The following PDE7B variants were observed in gnomAD, a reference collection of about 807,000 sequenced individuals.
PDE7B encodes phosphodiesterase 7B, also known as 3',5'-cyclic-AMP phosphodiesterase 7B.
PDE7B carries 29 observed loss-of-function variants against 56.2 expected under a neutral mutation model. That is an observed-to-expected ratio of 0.52 (90% CI 0.38 to 0.70). The LOEUF (loss-of-function observed/expected upper bound fraction) is 0.70. Among genes scored for constraint, PDE7B ranks in the 30% least tolerant of loss-of-function variants. The pLI, the probability that PDE7B is intolerant of heterozygous loss-of-function variation, is 0.00. For synonymous variants in PDE7B, 197 were observed against 196.9 expected, an observed-to-expected ratio of 1.00 and a Z score of 0.00; for missense variants, 490 against 565.0, an observed-to-expected ratio of 0.87 and a Z score of 1.35.
chr6:136,053,543 G>A (rs561506478), intron 2 of PDE7B, among the ~76,000 whole-genome samples: 1 of 152,136 alleles, frequency 6.6e-6, no homozygotes, highest in Non-Finnish European at 1.5e-5. Flanking sequence ...CTTTAGAGCA[G>A]CATGATTTAT....
intron 8 of PDE7B, among the ~76,000 whole-genome samples, chr6:136,165,942 T>C (rs1778785588): frequency 6.6e-6 from 1 of 152,160 alleles, no homozygotes; most frequent in African/African-American, 2.4e-5. Flanking sequence ...AACAGGAGTC[T>C]CTGTCATACG....
intron 1 of PDE7B, among the ~76,000 whole-genome samples, chr6:135,871,646 T>C (rs1424756081): frequency 1.3e-5 from 2 of 152,210 alleles, no homozygotes; most frequent in Non-Finnish European, 2.9e-5. Flanking sequence ...GGAAATCTAC[T>C]CTTAGCTTTG....
intron 2 of PDE7B, among the ~76,000 whole-genome samples, chr6:136,078,325 C>T (rs1275093130): frequency 1.3e-5 from 2 of 152,044 alleles, no homozygotes; most frequent in Non-Finnish European, 2.9e-5. Flanking sequence ...AGTGACTTTC[C>T]AACATTTAAC....
At chr6:136,187,476 T>A (rs1779160492) in intron 12 of PDE7B, among the ~76,000 whole-genome samples, 1 of 152,152 alleles carries the variant, frequency 6.6e-6, no homozygotes, top group South Asian at 2.1e-4. Flanking sequence ...GAATCTGCCT[T>A]TAGGACCCTT....
chr6:135,998,553 G>A (rs913556765), intron 2 of PDE7B, among the ~76,000 whole-genome samples: 12 of 151,808 alleles, frequency 7.9e-5, no homozygotes, highest in Non-Finnish European at 1.5e-4. Flanking sequence ...TCAGGAGATC[G>A]AGACCATCCT....
intron 1 of PDE7B, among the ~76,000 whole-genome samples, chr6:135,935,186 T>TTTTATATATATATATTTATATATATA (rs1404954510): frequency 5.2e-5 from 2 of 38,448 alleles, no homozygotes; most frequent in South Asian, 1.0e-3. Flanking sequence ...ATATATATAT[T>TTTTATATATATATATTTATATATATA]TATTTATATA....
In PDE7B at chr6:136,195,455, GAAAAAAAAA is replaced by G. The variant is rs559769128; in HGVS notation, c.*3629_*3637del. On this transcript the variant is annotated 3_prime_UTR_variant, in exon 13 of 13. Transcript: ENST00000308191. ...CATTTTGTATACACATGTGAGGTTT[GAAAAAAAAA>G]AAAAAAAAAAAAAGAACTACCTTGT... The G allele has an allele frequency of 5.7e-4, 39 of 68,970 alleles. No individual in the cohort carries two copies. Among genetic ancestry groups the G allele is most frequent in the African/African-American group, 1.5e-3 (34 of 23,262 alleles). The allele number at this position is 68,970 out of a possible 1,614,324, so 4.3% of individuals were successfully genotyped here.
At chr6:136,031,412 T>C (rs769748255) in intron 2 of PDE7B, among the ~76,000 whole-genome samples, 2 of 152,206 alleles carry the variant, frequency 1.3e-5, no homozygotes, top group Non-Finnish European at 2.9e-5. Flanking sequence ...CTCTAGGAGA[T>C]ACCATTTGGC....
intron 2 of PDE7B, among the ~76,000 whole-genome samples, chr6:136,012,437 T>G (rs934517002): frequency 6.6e-6 from 1 of 152,250 alleles, no homozygotes; most frequent in African/African-American, 2.4e-5. Context: ...CTTAAGTCAC[T>G]GCTTCCTTTG....
chr6:136,024,489 T>A (rs1349332378), intron 2 of PDE7B, among the ~76,000 whole-genome samples: 1 of 152,172 alleles, frequency 6.6e-6, no homozygotes, highest in Non-Finnish European at 1.5e-5. Flanking sequence ...ACCTTTACTA[T>A]GTGTTTCCCT....
intron 2 of PDE7B, among the ~76,000 whole-genome samples, chr6:136,016,264 C>G (rs1775975001): frequency 6.6e-6 from 1 of 152,152 alleles, no homozygotes; most frequent in African/African-American, 2.4e-5. Flanking sequence ...AGGAAAATGT[C>G]CAACCTAGTA....
intron 12 of PDE7B, among the ~76,000 whole-genome samples, chr6:136,189,236 C>T (rs1347500368): frequency 6.6e-6 from 1 of 152,180 alleles, no homozygotes; most frequent in Non-Finnish European, 1.5e-5. Flanking sequence ...CCCAACTCCA[C>T]GCTTCCCTCT....
intron 1 of PDE7B, among the ~76,000 whole-genome samples, chr6:135,859,401 AT>A (rs1310932737): frequency 1.3e-5 from 2 of 152,136 alleles, no homozygotes; most frequent in Middle Eastern, 3.4e-3. Flanking sequence ...AGTAGTTTTT[AT>A]TTTCTGTTTT....
chr6:135,865,062 T>C (rs1775228913), intron 1 of PDE7B, among the ~76,000 whole-genome samples: 1 of 151,270 alleles, frequency 6.6e-6, no homozygotes, highest in African/African-American at 2.4e-5. Context: ...GTCCTTGCAG[T>C]AGACGAACAA....
intron 2 of PDE7B, among the ~76,000 whole-genome samples, chr6:136,035,941 G>C (rs1776320030): frequency 6.6e-6 from 1 of 152,090 alleles, no homozygotes; most frequent in South Asian, 2.1e-4. Flanking sequence ...CCAAGGGTCA[G>C]GATATCCTGA....
intron 2 of PDE7B, among the ~76,000 whole-genome samples, chr6:135,992,906 G>T (rs1208704973): frequency 6.6e-6 from 1 of 152,208 alleles, no homozygotes; most frequent in East Asian, 1.9e-4. Flanking sequence ...CCTCCCAACA[G>T]CCCTGTGAAG....
At chr6:136,139,918 G>C (rs1778289320) in intron 3 of PDE7B, among the ~76,000 whole-genome samples, 1 of 152,106 alleles carries the variant, frequency 6.6e-6, no homozygotes, top group Non-Finnish European at 1.5e-5. Context: ...CATTCTGTAG[G>C]TTGCCTGTTC....
chr6:135,921,922 A>T (rs1248584514), intron 1 of PDE7B, among the ~76,000 whole-genome samples: 1 of 152,118 alleles, frequency 6.6e-6, no homozygotes, highest in African/African-American at 2.4e-5. Flanking sequence ...ATGAAAAATA[A>T]AACTTACTGG....
At chr6:135,946,010 C>T (rs549695593) in intron 1 of PDE7B, among the ~76,000 whole-genome samples, 1 of 152,226 alleles carries the variant, frequency 6.6e-6, no homozygotes, top group African/African-American at 2.4e-5. Context: ...TCCAACATTT[C>T]ATTTCTCAAC....
Sources: gnomAD v4.1 joint callset for allele counts (sites outside exome capture counted in the v4.1 genomes callset) on GRCh38, gnomAD v4.1.1 for gene constraint, MANE v1.5 for transcripts, NCBI Gene and HGNC (gene_info 2026-07-23, HGNC 2026-07-21) for gene names.